Variants in LTBP4 observed in about 807,000 individuals in gnomAD.
The protein encoded by LTBP4 is latent-transforming growth factor beta-binding protein 4.
A neutral mutation model predicts 180.2 loss-of-function variants in LTBP4; 93 were observed. The observed-to-expected ratio is 0.52, with a 90% CI of 0.44 to 0.61. The LOEUF is 0.61. Among genes scored for constraint, LTBP4 ranks in the 20% least tolerant of loss-of-function variants. The pLI is 0.00. For missense variants in LTBP4, 2,116 were observed against 2,256.5 expected, an observed-to-expected ratio of 0.94 and a Z score of 1.26; for synonymous variants, 947 against 934.5, an observed-to-expected ratio of 1.01 and a Z score of -0.24.
rs2081499881 is a variant in LTBP4 at position 40,610,714 on chromosome 19, T to C, written c.1810+57T>C. 2.0e-6 allele frequency: 3 copies of C among 1,533,614 alleles called. No individual in the cohort carries two copies. The South Asian group carries it at 3.7e-5, about 19-fold the overall frequency. On this transcript the variant is annotated intron_variant, in intron 12 of 29. Transcript: ENST00000396819. Reference sequence around the variant, plus strand: ...GTGTGAGCGGTTGGGTAGAGCGCAGTGATGAGGGCCAGAGAGACTGAACAA... The same window carrying C: ...GTGTGAGCGGTTGGGTAGAGCGCAGCGATGAGGGCCAGAGAGACTGAACAA...
chr19:40,608,738 C>T (rs1033930569), intron 9 of LTBP4, 135 bp downstream of exon 9: 1 of 964,428 alleles, frequency 1.0e-6, no homozygotes, highest in Non-Finnish European at 1.5e-6. Context: ...TGGCGAAACC[C>T]TGTCTCTACT....
rs867096257 is a variant in LTBP4 at position 40,625,284 on chromosome 19, A to T, written c.3833-573A>T. Among the ~76,000 whole-genome samples, 28 of 6,184 alleles carry T rather than the reference A, an allele frequency of 4.5e-3. 2 individuals carry two copies. The highest frequency in any genetic ancestry group is 0.023 in the African/African-American group (11 of 474). The allele number at this position is 6,184 out of a possible 152,430, so 4.1% of individuals were successfully genotyped here. A position where few individuals can be genotyped will look rare whatever the true frequency, so the allele number is the denominator to read the frequency against. Reference sequence around the variant, plus strand: ...TATATATATATATATATATATATATATATATATATATATATATATATATAT... The same window carrying T: ...TATATATATATATATATATATATATTTATATATATATATATATATATATAT... On this transcript the variant is annotated intron_variant, in intron 26 of 29. Transcript: ENST00000396819.
chr19:40,622,537 T>C lies in LTBP4; in HGVS notation c.3354T>C (p.Phe1118=). The C allele has an allele frequency of 6.2e-7, 1 of 1,613,860 alleles. No individual in the cohort carries two copies. The highest frequency in any genetic ancestry group is 2.2e-5 in the East Asian group (1 of 44,878). ...PVGSGRRECY[F]DTAAPDACDN... ...GGAGTGGGCGCCGGGAGTGCTACTTTGACACAGCGGCCCCGGATGCATGTG... is the reference window on the plus strand; with the variant it reads ...GGAGTGGGCGCCGGGAGTGCTACTTCGACACAGCGGCCCCGGATGCATGTG... The change falls in exon 23 of 30, where the codon TTT becomes TTC. Residue 1118 remains phenylalanine, a synonymous_variant. Coordinates refer to ENST00000396819, the MANE Select transcript of LTBP4 (RefSeq NM_001042545.2). The surrounding 1 kb of genome is among the most constrained non-coding windows in gnomAD (Gnocchi z 5.1).
rs750145244 is a variant in LTBP4, at chr19:40,609,712, G to C, written c.1559-34G>C. 1 of 1,611,110 alleles carries C rather than the reference G, an allele frequency of 6.2e-7. No individual in the cohort carries two copies. Among genetic ancestry groups the C allele is most frequent in the Non-Finnish European group, 8.5e-7 (1 of 1,178,262 alleles). ...GAGGCGGGGCGGGGGGCTTTGCCTGGTCACCTTGTCACCAGCCCCCTCCGT... is the reference window on the plus strand; with the variant it reads ...GAGGCGGGGCGGGGGGCTTTGCCTGCTCACCTTGTCACCAGCCCCCTCCGT... On this transcript the variant is annotated intron_variant, in intron 10 of 29. Transcript: ENST00000396819. This position sits in a 1 kb window ranked among gnomAD's most constrained non-coding sequence, Gnocchi z 4.9.
In LTBP4 at chr19:40,605,625, C is replaced by T. The variant is rs1255421249; in HGVS notation, c.663C>T (p.Tyr221=). The part of the protein sequence containing the change: ...DGYSDASGFG[Y]CFRELRGGEC... Reference sequence around the variant, plus strand: ...ACTCAGATGCCTCGGGCTTCGGTTACTGCTTTCGGGAGCTGCGCGGAGGCG... The same window carrying T: ...ACTCAGATGCCTCGGGCTTCGGTTATTGCTTTCGGGAGCTGCGCGGAGGCG... Residue 221 remains tyrosine, a synonymous_variant, in exon 3 of 30, where the codon TAC becomes TAT. Coordinates refer to ENST00000396819, the MANE Select transcript of LTBP4 (RefSeq NM_001042545.2). The surrounding 1 kb of genome is among the most constrained non-coding windows in gnomAD (Gnocchi z 5.5). The T allele has an allele frequency of 6.3e-7, 1 of 1,589,506 alleles. No homozygotes were observed. Among genetic ancestry groups the T allele is most frequent in the East Asian group, 2.3e-5 (1 of 43,860 alleles).
In LTBP4 at chr19:40,609,261, G is replaced by A. The variant is rs1031834708; in HGVS notation, c.1427-269G>A. ...ATTAGATAATTATTTCTCAGGTAGG[G>A]CACTAAGAATGTATCTCAGGCGGAG... On this transcript the variant is annotated intron_variant, in intron 9 of 29. Coordinates refer to ENST00000396819, the MANE Select transcript of LTBP4 (RefSeq NM_001042545.2). The surrounding 1 kb of genome is among the most constrained non-coding windows in gnomAD (Gnocchi z 4.9). Among the ~76,000 whole-genome samples, 3 of 152,244 alleles carry A rather than the reference G, an allele frequency of 2.0e-5. No individual in the cohort carries two copies. In the South Asian group the frequency reaches 6.2e-4, roughly 32 times the overall value.
chr19:40,609,987 CT>C lies in LTBP4; in HGVS notation c.1684+117del. On this transcript the variant is annotated intron_variant, in intron 11 of 29. Transcript: ENST00000396819. The surrounding 1 kb of genome is among the most constrained non-coding windows in gnomAD (Gnocchi z 4.9). ...CCTCTCGGGTCCCGCCCCAGGACTG[CT>C]CTGCCCTGGCCCTTGGCCCTGCCCT... 1 of 1,363,118 alleles carries C rather than the reference CT, an allele frequency of 7.3e-7. No homozygotes were observed. Among genetic ancestry groups the C allele is most frequent in the Middle Eastern group, 2.6e-4 (1 of 3,774 alleles). 84.4% of individuals were successfully genotyped at this position (1,363,118 alleles called of 1,614,324 possible).
Position 40,627,060 on chromosome 19 carries a change from C to A in LTBP4, c.4071C>A (p.Tyr1357Ter). 6.2e-7 allele frequency: 1 copy of A among 1,613,600 alleles called. No individual in the cohort carries two copies. Among genetic ancestry groups the A allele is most frequent in the Non-Finnish European group, 8.5e-7 (1 of 1,179,674 alleles). The change falls in exon 28 of 30, where the codon TAC (tyrosine) becomes TAA (stop). Residue 1357 changes from tyrosine (Y) to a stop codon, truncating the protein, a stop_gained. Transcript: ENST00000396819. LOFTEE classifies it high-confidence loss of function. ...GTGGCTTTGGACTCCCCTACGAGTA[C>A]GGCCCAGACTTAGGTCCACCTTACC... is the stretch of plus-strand genomic sequence containing the variant. ...RPGGFGLPYE[Y>*]GPDLGPPYQG...
At chr19:40,595,953 C>T (rs1314241247) in intron 1 of LTBP4, among the ~76,000 whole-genome samples, 2 of 119,422 alleles carry the variant, frequency 1.7e-5, no homozygotes, top group Non-Finnish European at 3.3e-5. Flanking sequence ...CAGAGTCTTG[C>T]TCTGTCGCCC....
Position 40,613,138 on chromosome 19 carries a change from C to T in LTBP4, c.2373C>T (p.Phe791=). 1 of 1,601,014 alleles carries T rather than the reference C, an allele frequency of 6.2e-7. No individual in the cohort carries two copies. The highest frequency in any genetic ancestry group is 8.5e-7 in the Non-Finnish European group (1 of 1,174,068). The change falls in exon 16 of 30, where the codon TTC becomes TTT. Residue 791 remains phenylalanine, a synonymous_variant. Transcript: ENST00000396819. This position sits in a 1 kb window ranked among gnomAD's most constrained non-coding sequence, Gnocchi z 5.0. ...ACTGCACTAACACCGAAGGCTCCTTCCGCTGCAGCTGCGCGCCAGGCTACC... is the reference window on the plus strand; with the variant it reads ...ACTGCACTAACACCGAAGGCTCCTTTCGCTGCAGCTGCGCGCCAGGCTACC... ...HGHCTNTEGS[F]RCSCAPGYRA...
rs762614195 is a variant in LTBP4, at chr19:40,608,515, G to T, written c.1338G>T (p.Arg446=). Residue 446 remains arginine (R), a synonymous_variant, in exon 9 of 30, where the codon CGG becomes CGT. Transcript: ENST00000396819. ...GFLPTHRLEP[R]PEPRPDPRPG... Reference sequence around the variant, plus strand: ...TGCCCACCCATCGCCTGGAGCCCCGGCCTGAACCCCGGCCCGATCCCCGGC... The same window carrying T: ...TGCCCACCCATCGCCTGGAGCCCCGTCCTGAACCCCGGCCCGATCCCCGGC... 6.2e-7 allele frequency: 1 copy of T among 1,606,692 alleles called. No individual in the cohort carries two copies. The highest frequency in any genetic ancestry group is 1.7e-5 in the Admixed American group (1 of 58,688).
chr19:40,615,456 T>C (rs1464934635), intron 19 of LTBP4: 1 of 152,162 alleles, frequency 6.6e-6, no homozygotes. Context: ...AATATGTAAA[T>C]AAATTCAAGA....
At position 40,601,555 on chromosome 19, in the gene LTBP4, G is replaced by C. The variant is rs1248559288; in HGVS notation, c.168G>C (p.Pro56=). The C allele has an allele frequency of 2.7e-6, 4 of 1,476,460 alleles. No homozygotes were observed. In the African/African-American group the frequency reaches 4.4e-5, roughly 16 times the overall value. 91.5% of individuals were successfully genotyped at this position (1,476,460 alleles called of 1,614,324 possible). Residue 56 remains proline, a synonymous_variant, in exon 1 of 30, where the codon CCG becomes CCC. Transcript: ENST00000396819. ...GGCCGACCGGCTCCCGCTGTACCCC[G>C]ACCTGCGCGCCCCGCAACGCCACCA... ...VHGPTGSRCT[P]TCAPRNATSV...
rs767788221 is a variant in LTBP4, at chr19:40,613,192, C to T, written c.2427C>T (p.Cys809=). The T allele has an allele frequency of 6.4e-7, 1 of 1,566,184 alleles. No individual in the cohort carries two copies. The highest frequency in any genetic ancestry group is 8.7e-7 in the Non-Finnish European group (1 of 1,155,614). The change falls in exon 16 of 30, where the codon TGC becomes TGT. Residue 809 remains cysteine, a synonymous_variant. Coordinates refer to ENST00000396819, the MANE Select transcript of LTBP4 (RefSeq NM_001042545.2). This position sits in a 1 kb window ranked among gnomAD's most constrained non-coding sequence, Gnocchi z 5.0. ...YRAPSGRPGP[C]ADVNECLEGD... ...CGCCGTCGGGTCGGCCCGGGCCCTG[C>T]GCAGGTGAGCAGCATAGGGACCCGC... is the stretch of plus-strand genomic sequence containing the variant.
chr19:40,627,682 TA>T lies in LTBP4; in HGVS notation c.4367-22del, dbSNP rs753016513. On this transcript the variant is annotated intron_variant, in intron 28 of 29. Transcript: ENST00000396819. The stretch of plus-strand genomic sequence containing the variant: ...GGGTGAAGGCAGGGACCTCAAGTCA[TA>T]GGGTCCCCGCATTTCCCACAGGTTC... The T allele has an allele frequency of 7.0e-6, 11 of 1,571,630 alleles. No homozygotes were observed. In the South Asian group the frequency reaches 1.1e-4, roughly 15 times the overall value.
chr19:40,614,281 T>G, intron 18 of LTBP4, 34 bp from the exon 19 acceptor site: 1 of 1,586,342 alleles, frequency 6.3e-7, no homozygotes, highest in Non-Finnish European at 8.6e-7. Context: ...GCCTCCCTGC[T>G]TCCCACATCC....
At chr19:40,599,017 G>A (rs1201302129), upstream of LTBP4, among the ~76,000 whole-genome samples, 1 of 152,148 alleles carries the variant, frequency 6.6e-6, no homozygotes, top group Non-Finnish European at 1.5e-5. Flanking sequence ...CGAAGTCTAA[G>A]CCAATTTGCC....
Position 40,614,445 on chromosome 19 carries a change from C to T in LTBP4, c.2811C>T (p.Asp937=). 6.3e-7 allele frequency: 1 copy of T among 1,598,092 alleles called. No individual in the cohort carries two copies. The highest frequency in any genetic ancestry group is 8.5e-7 in the Non-Finnish European group (1 of 1,179,344). Reference sequence around the variant, plus strand: ...ACGCGGGCCCCGAGGGCACCTGTGACGGTGAGCCTGCCCCCACCCGCCTTC... The same window carrying T: ...ACGCGGGCCCCGAGGGCACCTGTGATGGTGAGCCTGCCCCCACCCGCCTTC... The part of the protein sequence containing the change: ...GYHAGPEGTC[D]DVDECQEYGP... Residue 937 remains aspartate, a splice_region_variant and synonymous_variant, in exon 19 of 30, where the codon GAC becomes GAT. Coordinates refer to ENST00000396819, the MANE Select transcript of LTBP4 (RefSeq NM_001042545.2).
Position 40,629,520 on chromosome 19 carries a change from C to CGCCCTG in LTBP4, c.4644_4645insGCCCTG (p.His1548_His1549insAlaLeu), listed in dbSNP as rs2081662681. 6.3e-7 allele frequency: 1 copy of CGCCCTG among 1,581,974 alleles called. No homozygotes were observed. The highest frequency in any genetic ancestry group is 1.4e-5 in the African/African-American group (1 of 73,328). On this transcript the variant is annotated inframe_insertion, in exon 30 of 30. Transcript: ENST00000396819. This position sits in a 1 kb window ranked among gnomAD's most constrained non-coding sequence, Gnocchi z 4.5. ...GATTCGCACCCACGCACCAGCCGCA[C>CGCCCTG]CACTGTGCGCCCGCACGGCCCCGGG...
Sources: allele counts gnomAD v4.1 joint callset (sites outside exome capture counted in the v4.1 genomes callset), GRCh38; gene constraint gnomAD v4.1.1; non-coding constraint Gnocchi (gnomAD v3.1); transcripts MANE v1.5; gene names NCBI Gene and HGNC (gene_info 2026-07-23, HGNC 2026-07-21).